Variants in ITK observed in about 807,000 individuals in gnomAD.
ITK encodes the protein IL2 inducible T cell kinase, also known as tyrosine-protein kinase ITK/TSK.
ITK carries 45 observed loss-of-function variants against 87.6 expected under a neutral mutation model. The observed-to-expected ratio is 0.51, with a 90% CI of 0.40 to 0.66. ITK has a LOEUF of 0.66. Ranked by LOEUF, ITK falls within the 30% of genes least tolerant of loss-of-function variation. ITK has a pLI of 0.00. For missense variants in ITK, 605 were observed against 766.3 expected (o/e 0.79, Z 2.48); for synonymous variants, 303 against 273.6 (o/e 1.11, Z -1.06).
chr5:157,194,247 G>A (rs556613262), intron 1 of ITK, among the ~76,000 whole-genome samples: 2 of 152,068 alleles, frequency 1.3e-5, no homozygotes, highest in Admixed American at 6.6e-5. Flanking sequence ...TTGTGAATTC[G>A]CCAGTCTTTG....
chr5:157,201,420 C>T (rs1365484261), intron 1 of ITK, among the ~76,000 whole-genome samples: 1 of 151,728 alleles, frequency 6.6e-6, no homozygotes, highest in Non-Finnish European at 1.5e-5. Flanking sequence ...GCCTCAGCCT[C>T]CCGAGCAGCT....
chr5:157,222,820 C>A, intron 5 of ITK, 43 bp from the exon 6 acceptor site: 1 of 1,612,334 alleles, frequency 6.2e-7, no homozygotes, highest in Non-Finnish European at 8.5e-7. Flanking sequence ...ATTTTACCTC[C>A]TTTTTTATGT....
At chr5:157,231,348 C>A (rs1444669513) in intron 7 of ITK, among the ~76,000 whole-genome samples, 2 of 152,220 alleles carry the variant, frequency 1.3e-5, no homozygotes, top group African/African-American at 4.8e-5. Context: ...CTGGTGACAA[C>A]CTTTTCAATG....
intron 4 of ITK, among the ~76,000 whole-genome samples, chr5:157,217,038 A>G (rs987861270): frequency 1.3e-5 from 2 of 152,088 alleles, no homozygotes; most frequent in African/African-American, 4.8e-5. Flanking sequence ...ACGTCTTTGT[A>G]TTAGCCTGAA....
chr5:157,215,424 C>T (rs1328733940), intron 4 of ITK, among the ~76,000 whole-genome samples: 2 of 152,138 alleles, frequency 1.3e-5, no homozygotes, highest in African/African-American at 2.4e-5. Flanking sequence ...TCACCCTGCA[C>T]CTTGGGGAAA....
intron 1 of ITK, among the ~76,000 whole-genome samples, chr5:157,197,935 T>C (rs2113744242): frequency 6.6e-6 from 1 of 152,300 alleles, no homozygotes; most frequent in South Asian, 2.1e-4. Context: ...CAGGGAAATG[T>C]ATTTATTCAT....
chr5:157,244,544 G>A (rs1367197447), intron 13 of ITK, 66 bp downstream of exon 13: 3 of 886,874 alleles, frequency 3.4e-6, no homozygotes, highest in Non-Finnish European at 5.8e-6. Flanking sequence ...TGAAATGACT[G>A]GGAACGCATT....
At chr5:157,185,979 T>A (rs1753635044) in intron 1 of ITK, among the ~76,000 whole-genome samples, 1 of 152,202 alleles carries the variant, frequency 6.6e-6, no homozygotes, top group South Asian at 2.1e-4. Context: ...TGTGCAAAAA[T>A]GTGAATTATT....
At chr5:157,209,192 C>T (rs922534617) in intron 2 of ITK, among the ~76,000 whole-genome samples, 199 bp downstream of exon 2, 8 of 151,988 alleles carry the variant, frequency 5.3e-5, no homozygotes, top group South Asian at 2.1e-4. Flanking sequence ...ATTAGCTGGG[C>T]GTACTGGCGG....
At chr5:157,194,333 T>C (rs1266422219) in intron 1 of ITK, among the ~76,000 whole-genome samples, 3 of 152,194 alleles carry the variant, frequency 2.0e-5, no homozygotes, top group Non-Finnish European at 4.4e-5. Context: ...CTTGTAAACC[T>C]GAGGATCTGT....
intron 1 of ITK, among the ~76,000 whole-genome samples, chr5:157,189,394 T>C (rs574100007): frequency 5.9e-5 from 9 of 152,280 alleles, no homozygotes; most frequent in Admixed American, 4.6e-4. Flanking sequence ...AGAGCTCAGT[T>C]TCAGCCTGGG....
intron 1 of ITK, among the ~76,000 whole-genome samples, chr5:157,186,116 ACT>A (rs1162564324): frequency 1.3e-5 from 2 of 152,110 alleles, no homozygotes. Flanking sequence ...AGTCTACATT[ACT>A]CTCTGATAAA....
chr5:157,234,795 G>A lies in ITK; in HGVS notation c.768+2401G>A, dbSNP rs146658958. On this transcript the variant is annotated intron_variant, in intron 8 of 16. Coordinates refer to ENST00000422843, the MANE Select transcript of ITK (RefSeq NM_005546.4). ...ACCAGGGTCTGTCAGTGGGTGGGGGGCTAGGGGAGAGATAGGATTAGGAGA... is the reference window on the plus strand; with the variant it reads ...ACCAGGGTCTGTCAGTGGGTGGGGGACTAGGGGAGAGATAGGATTAGGAGA... 6.2e-3 allele frequency among the ~76,000 whole-genome samples: 940 copies of A among 152,206 alleles called. 2 individuals carry two copies. Among genetic ancestry groups the A allele is most frequent in the South Asian group, 0.033 (158 of 4,808 alleles).
chr5:157,187,362 A>G (rs1277623593), intron 1 of ITK, among the ~76,000 whole-genome samples: 1 of 152,208 alleles, frequency 6.6e-6, no homozygotes, highest in African/African-American at 2.4e-5. Context: ...TCACTCATGC[A>G]TCATTTGTGG....
intron 1 of ITK, among the ~76,000 whole-genome samples, chr5:157,183,274 T>C (rs13157017): frequency 0.021 from 3,241 of 152,296 alleles, 51 homozygotes; most frequent in South Asian, 0.03. Context: ...TTAATATTAC[T>C]CATAAGTAAA....
intron 1 of ITK, among the ~76,000 whole-genome samples, chr5:157,204,927 G>C (rs548158356): frequency 3.9e-5 from 6 of 152,110 alleles, no homozygotes; most frequent in Non-Finnish European, 8.8e-5. Context: ...TCTCAGTTCT[G>C]TTCCTCAGCT....
chr5:157,255,025 T>C lies in ITK; in HGVS notation c.*2347T>C, dbSNP rs1755223371. 3 of 203,942 alleles carry C rather than the reference T, an allele frequency of 1.5e-5. No homozygotes were observed. The highest frequency in any genetic ancestry group is 6.9e-5 in the African/African-American group (3 of 43,632). 12.6% of individuals were successfully genotyped at this position (203,942 alleles called of 1,614,324 possible). ...GCATTTTGTACCTTTTGAGACTATG[T>C]ATTTATATTTGGATCAGATGCATAT... On this transcript the variant is annotated 3_prime_UTR_variant, in exon 17 of 17. Transcript: ENST00000422843.
At chr5:157,233,985 T>A (rs1754725756) in intron 8 of ITK, among the ~76,000 whole-genome samples, 1 of 83,852 alleles carries the variant, frequency 1.2e-5, no homozygotes, top group Non-Finnish European at 2.5e-5. Flanking sequence ...TTTTTTTTTT[T>A]TTTTTTTTTT....
At chr5:157,200,538 A>G (rs550035188) in intron 1 of ITK, among the ~76,000 whole-genome samples, 2 of 152,240 alleles carry the variant, frequency 1.3e-5, no homozygotes, top group South Asian at 4.1e-4. Context: ...CCGGGGACCA[A>G]CTAGGGAGGA....
Sources: allele counts gnomAD v4.1 joint callset (sites outside exome capture counted in the v4.1 genomes callset), GRCh38; gene constraint gnomAD v4.1.1; transcripts MANE v1.5; gene names NCBI Gene and HGNC (gene_info 2026-07-23, HGNC 2026-07-21).